Variants in DHX34 observed in about 807,000 individuals in gnomAD.
DHX34 encodes the protein DExH-box helicase 34, also known as probable ATP-dependent RNA helicase DHX34.
A neutral mutation model predicts 111.1 loss-of-function variants in DHX34; 96 were observed. The observed-to-expected ratio is 0.86, with a 90% CI of 0.73 to 1.02. The LOEUF is 1.02. DHX34 is among the 50% of genes least tolerant of loss of function. DHX34 has a pLI of 0.00. For synonymous variants in DHX34, 688 were observed against 670.4 expected, an observed-to-expected ratio of 1.03 and a Z score of -0.41; for missense variants, 1,560 against 1,579.9, an observed-to-expected ratio of 0.99 and a Z score of 0.21.
At chr19:47,356,007 T>G (rs754763592) in intron 3 of DHX34, among the ~76,000 whole-genome samples, 11 of 152,198 alleles carry the variant, frequency 7.2e-5, no homozygotes, top group Non-Finnish European at 1.5e-4. Context: ...GCCATCTCAC[T>G]GGGCAGGATT....
Position 47,372,913 on chromosome 19 carries a change from C to T in DHX34, c.1952C>T (p.Ala651Val), listed in dbSNP as rs769370680. ...DPFTLFNVFNAWVQVKSERSR... is the reference protein window; with the variant it reads ...DPFTLFNVFNVWVQVKSERSR... ...TTCACGCTCTTCAACGTCTTCAACG[C>T]CTGGGTGCAGGTGAGGCTGGTGGTG... Residue 651 changes from alanine (A) to valine (V), a missense_variant, in exon 8 of 17, where the codon GCC becomes GTC. Physicochemically the swap from Ala to Val is moderately conservative, Grantham distance 64 (BLOSUM62 0). Coordinates refer to ENST00000328771, the MANE Select transcript of DHX34 (RefSeq NM_014681.6). The T allele has an allele frequency of 6.3e-7, 1 of 1,599,884 alleles. No homozygotes were observed. Among genetic ancestry groups the T allele is most frequent in the Non-Finnish European group, 8.5e-7 (1 of 1,177,122 alleles).
chr19:47,352,619 G>A (rs1228084412), intron 1 of DHX34, 135 bp from the exon 2 acceptor site: 1 of 176,440 alleles, frequency 5.7e-6, no homozygotes, highest in Admixed American at 5.5e-5. Context: ...AGGCTGTGGT[G>A]AGCCATGATT....
intron 2 of DHX34, among the ~76,000 whole-genome samples, chr19:47,354,317 A>G (rs755575663): frequency 2.0e-5 from 3 of 152,184 alleles, no homozygotes; most frequent in Non-Finnish European, 2.9e-5. Flanking sequence ...TGGAAGGCCA[A>G]TAATAGTCCT....
chr19:47,350,993 G>C (rs1969267120), intron 1 of DHX34, among the ~76,000 whole-genome samples: 1 of 151,798 alleles, frequency 6.6e-6, no homozygotes, highest in South Asian at 2.1e-4. Flanking sequence ...ATGAGCCCAG[G>C]GCAAATAGGC....
At chr19:47,378,606 G>A (rs1239475812) in intron 13 of DHX34, among the ~76,000 whole-genome samples, 1 of 152,166 alleles carries the variant, frequency 6.6e-6, no homozygotes, top group Non-Finnish European at 1.5e-5. Context: ...GAGGTGGGAG[G>A]ATTGTTTGAG....
At chr19:47,361,382 C>T (rs2122248103) in intron 5 of DHX34, among the ~76,000 whole-genome samples, 1 of 151,932 alleles carries the variant, frequency 6.6e-6, no homozygotes, top group South Asian at 2.1e-4. Flanking sequence ...CACCTGAGCC[C>T]AGGAAATCGA....
intron 11 of DHX34, 99 bp downstream of exon 11, chr19:47,376,196 T>G: frequency 2.7e-6 from 4 of 1,484,658 alleles, no homozygotes; most frequent in South Asian, 2.7e-5. Flanking sequence ...GAAACAACCC[T>G]GGTTCTGTCC....
In DHX34 at chr19:47,379,869, CG is replaced by C. The variant is rs1970297426; in HGVS notation, c.2868del (p.Gln957SerfsTer27). 6.2e-7 allele frequency: 1 copy of C among 1,613,418 alleles called. No homozygotes were observed. The highest frequency in any genetic ancestry group is 1.7e-5 in the Admixed American group (1 of 59,972). On this transcript the variant is annotated frameshift_variant, in exon 14 of 17. Transcript: ENST00000328771. LOFTEE classifies it high-confidence loss of function. ...LRARWESALD[R>X]QLAHQAQQQL... ...TGCCCGCTGGGAAAGTGCCCTGGAC[CG>C]GCAGCTGGCGCACCAGGCCCAGCAG...
At chr19:47,361,536 T>C (rs987376349) in intron 5 of DHX34, among the ~76,000 whole-genome samples, 2 of 151,972 alleles carry the variant, frequency 1.3e-5, no homozygotes, top group Non-Finnish European at 2.9e-5. Flanking sequence ...CCCAGCACTT[T>C]GGGAGGCTGA....
In DHX34 at chr19:47,367,128, G is replaced by T; in HGVS notation, c.1741G>T (p.Ala581Ser). 1 of 1,567,664 alleles carries T rather than the reference G, an allele frequency of 6.4e-7. No individual in the cohort carries two copies. The highest frequency in any genetic ancestry group is 8.6e-7 in the Non-Finnish European group (1 of 1,156,534). ...EALTPIGSLL[A>S]QLPVDVVIGK... ...CCTCACACCCATTGGGTCCCTGCTA[G>T]CCCAGCTGCCTGTGGACGTTGTGAT... Residue 581 changes from alanine to serine, a missense_variant, in exon 7 of 17, where the codon GCC becomes TCC. Physicochemically the swap from Ala to Ser is moderately conservative, Grantham distance 99 (BLOSUM62 1). Transcript: ENST00000328771.
chr19:47,374,595 T>C (rs1461956075), intron 9 of DHX34, among the ~76,000 whole-genome samples: 1 of 152,156 alleles, frequency 6.6e-6, no homozygotes, highest in Non-Finnish European at 1.5e-5. Flanking sequence ...AAAGGGTTCC[T>C]GGTGTAATCC....
At chr19:47,378,303 CAG>C in intron 13 of DHX34, among the ~76,000 whole-genome samples, 1 of 122,008 alleles carries the variant, frequency 8.2e-6, no homozygotes, top group African/African-American at 4.0e-5. Context: ...TGTTAGTGTT[CAG>C]TGTTCTGGGG....
Position 47,382,013 on chromosome 19 carries a change from A to G in DHX34, c.3332A>G (p.Lys1111Arg), listed in dbSNP as rs147344157. The change falls in exon 17 of 17, where the codon AAG becomes AGG. Residue 1111 changes from lysine to arginine, a missense_variant. Transcript: ENST00000328771. ...GAAGCTGCCCTCGAAACCCTCCAGA[A>G]GACATCTGTCCTGCAGAGGCCCTAC... is the stretch of plus-strand genomic sequence containing the variant. ...AEEAALETLQ[K>R]TSVLQRPYHC... 8 of 1,614,042 alleles carry G rather than the reference A, an allele frequency of 5.0e-6. No individual in the cohort carries two copies. The African/African-American group carries it at 9.3e-5, about 19-fold the overall frequency.
At position 47,377,194 on chromosome 19, in the gene DHX34, C is replaced by T; in HGVS notation, c.2694C>T (p.Ile898=). The T allele has an allele frequency of 1.2e-6, 2 of 1,613,482 alleles. No individual in the cohort carries two copies. Among genetic ancestry groups the T allele is most frequent in the Non-Finnish European group, 1.7e-6 (2 of 1,179,766 alleles). ...CGTACCTGGTGAACTGCGTCCGCAT[C>T]CCTGCCCTCCAGGTGGGCCTCTGCC... ...NKPYLVNCVR[I]PALQSLLLFS... is the part of the protein sequence containing the mutation. The change falls in exon 13 of 17, where the codon ATC becomes ATT. Residue 898 remains isoleucine, a synonymous_variant. Transcript: ENST00000328771.
Position 47,362,615 on chromosome 19 carries a change from C to T in DHX34, c.1515C>T (p.Ala505=), listed in dbSNP as rs199929866. 7.4e-5 allele frequency: 120 copies of T among 1,613,914 alleles called. 1 individual carries two copies. In the East Asian group the frequency reaches 2.3e-3, roughly 31 times the overall value. The part of the protein sequence containing the change: ...TGPGVCFRLY[A]ESDYDAFAPY... ...CCGGAGTCTGCTTCCGCCTCTATGC[C>T]GAATCGGACTATGATGCCTTCGCCC... is the stretch of plus-strand genomic sequence containing the variant. The change falls in exon 6 of 17, where the codon GCC becomes GCT. Residue 505 remains alanine (A), a synonymous_variant. Transcript: ENST00000328771.
chr19:47,353,397 A>G lies in DHX34; in HGVS notation c.367A>G (p.Arg123Gly), dbSNP rs1369918253. The part of the protein sequence containing the change: ...PATRGSQGLG[R>G]HLPAERVAEF... ...CACGCGGGGCTCTCAGGGACTGGGC[A>G]GGCACTTGCCCGCGGAGAGAGTGGC... Residue 123 changes from arginine (R) to glycine (G), a missense_variant, in exon 2 of 17, where the codon AGG becomes GGG. Transcript: ENST00000328771. The surrounding 1 kb of genome is among the most constrained non-coding windows in gnomAD (Gnocchi z 4.6). The G allele has an allele frequency of 6.8e-6, 11 of 1,614,186 alleles. No homozygotes were observed. The highest frequency in any genetic ancestry group is 9.3e-6 in the Non-Finnish European group (11 of 1,180,030).
intron 1 of DHX34, among the ~76,000 whole-genome samples, chr19:47,351,000 A>C (rs1969267332): frequency 6.6e-6 from 1 of 152,022 alleles, no homozygotes; most frequent in Admixed American, 6.6e-5. Context: ...CAGGGCAAAT[A>C]GGCCAAGAGA....
Position 47,373,612 on chromosome 19 carries a change from G to A in DHX34, c.1976G>A (p.Arg659Gln), listed in dbSNP as rs769923444. The change falls in exon 9 of 17, where the codon CGG becomes CAG. Residue 659 changes from arginine (R) to glutamine (Q), a missense_variant. Arg to Gln is a conservative substitution (Grantham distance 43). Transcript: ENST00000328771. ...TCCTCCACCCAGGTGAAATCTGAAC[G>A]GAGCAGAAACTCTCGCAAGTGGTGC... ...FNAWVQVKSE[R>Q]SRNSRKWCRR... is the part of the protein sequence containing the mutation. 6.8e-6 allele frequency: 11 copies of A among 1,613,770 alleles called. No homozygotes were observed. The highest frequency in any genetic ancestry group is 4.4e-5 in the South Asian group (4 of 91,066).
At chr19:47,357,788 C>A in intron 3 of DHX34, 78 bp from the exon 4 acceptor site, 1 of 1,520,598 alleles carries the variant, frequency 6.6e-7, no homozygotes, top group South Asian at 1.3e-5. Flanking sequence ...TCTCCCCCGT[C>A]AGCCTGCAGC....
Sources: gnomAD v4.1 joint callset for allele counts (sites outside exome capture counted in the v4.1 genomes callset) on GRCh38, gnomAD v4.1.1 for gene constraint, Gnocchi (gnomAD v3.1) non-coding constraint, MANE v1.5 for transcripts, NCBI Gene and HGNC (gene_info 2026-07-23, HGNC 2026-07-21) for gene names.